VGLL4: variants seen among roughly 807,000 people sequenced by gnomAD.
VGLL4 encodes the protein vestigial like family member 4.
VGLL4 carries 7 observed loss-of-function variants against 21.0 expected under a neutral mutation model. The ratio of observed to expected loss-of-function variants is 0.33; its 90% CI spans 0.19 to 0.63. The LOEUF (loss-of-function observed/expected upper bound fraction) is 0.63, where lower values mean the gene tolerates loss of function less well. Among genes scored for constraint, VGLL4 ranks in the 20% least tolerant of loss-of-function variants. VGLL4 has a pLI of 0.78. For missense variants in VGLL4, 394 were observed against 425.7 expected (o/e 0.93, Z 0.66); for synonymous variants, 222 against 173.2 (o/e 1.28, Z -2.21).
chr3:11,588,496 T>C (rs906503892), intron 2 of VGLL4, among the ~76,000 whole-genome samples: 8 of 152,132 alleles, frequency 5.3e-5, no homozygotes, highest in Non-Finnish European at 1.5e-5. Context: ...TGTCACCCTG[T>C]GGTGGACTGG....
At chr3:11,582,676 T>C (rs1168212649) in intron 2 of VGLL4, among the ~76,000 whole-genome samples, 1 of 152,154 alleles carries the variant, frequency 6.6e-6, no homozygotes, top group Non-Finnish European at 1.5e-5. Context: ...AACTTCAAAA[T>C]AAGGCTAAAG....
intron 1 of VGLL4, among the ~76,000 whole-genome samples, chr3:11,717,754 G>A (rs1231888567): frequency 6.6e-6 from 1 of 152,128 alleles, no homozygotes; most frequent in African/African-American, 2.4e-5. Flanking sequence ...TAACAACTGT[G>A]TTTATGTAGC....
chr3:11,603,647 C>G (rs2074859765), intron 1 of VGLL4, among the ~76,000 whole-genome samples: 1 of 152,152 alleles, frequency 6.6e-6, no homozygotes, highest in Non-Finnish European at 1.5e-5. Flanking sequence ...GCAGCAACTG[C>G]AAATCAAACC....
At chr3:11,586,269 T>C (rs1377748201) in intron 2 of VGLL4, among the ~76,000 whole-genome samples, 1 of 152,218 alleles carries the variant, frequency 6.6e-6, no homozygotes, top group Non-Finnish European at 1.5e-5. Flanking sequence ...GGGAAGGGTA[T>C]GTGAGTGTTC....
chr3:11,584,923 T>TCCA (rs150855339), intron 2 of VGLL4, among the ~76,000 whole-genome samples: 87 of 151,400 alleles, frequency 5.7e-4, no homozygotes, highest in Non-Finnish European at 9.6e-4. Flanking sequence ...CACCCAGGGA[T>TCCA]CCACCACCAC....
intron 2 of VGLL4, among the ~76,000 whole-genome samples, chr3:11,664,444 T>C (rs2076080843): frequency 2.0e-5 from 3 of 152,186 alleles, no homozygotes; most frequent in Admixed American, 6.5e-5. Flanking sequence ...CAATCACCTC[T>C]GCTTTCTGAA....
intron 2 of VGLL4, among the ~76,000 whole-genome samples, chr3:11,592,735 T>C (rs1015436944): frequency 1.3e-5 from 2 of 152,158 alleles, no homozygotes; most frequent in African/African-American, 4.8e-5. Context: ...ATCCTGGCTC[T>C]GGTACTTACC....
intron 2 of VGLL4, among the ~76,000 whole-genome samples, chr3:11,684,738 G>GTA (rs1420196793): frequency 6.7e-6 from 1 of 149,914 alleles, no homozygotes; most frequent in African/African-American, 2.4e-5. Flanking sequence ...TTCTGTGTGT[G>GTA]TGTGTGTGTG....
At chr3:11,713,569 TA>T (rs1479877670) in intron 1 of VGLL4, among the ~76,000 whole-genome samples, 10 of 7,816 alleles carry the variant, frequency 1.3e-3, no homozygotes, top group Non-Finnish European at 1.6e-3. Flanking sequence ...ATATATTATT[TA>T]TATATATATA....
At chr3:11,687,992 C>G (rs1479852329) in intron 2 of VGLL4, among the ~76,000 whole-genome samples, 1 of 152,050 alleles carries the variant, frequency 6.6e-6, no homozygotes, top group Non-Finnish European at 1.5e-5. Context: ...TTGTTTTTAT[C>G]ACAAATAGGT....
At chr3:11,620,685 C>T (rs2075250231) in intron 1 of VGLL4, among the ~76,000 whole-genome samples, 2 of 152,112 alleles carry the variant, frequency 1.3e-5, no homozygotes, top group Non-Finnish European at 2.9e-5. Flanking sequence ...TCAGGCTGGA[C>T]AACAATAAAT....
intron 2 of VGLL4, among the ~76,000 whole-genome samples, chr3:11,677,634 TA>T (rs925388612): frequency 2.6e-5 from 4 of 152,118 alleles, no homozygotes; most frequent in African/African-American, 9.7e-5. Flanking sequence ...AATATACAAG[TA>T]ACCAAGTTTT....
chr3:11,569,832 G>T (rs2073704792), intron 2 of VGLL4, among the ~76,000 whole-genome samples: 1 of 152,188 alleles, frequency 6.6e-6, no homozygotes, highest in Admixed American at 6.5e-5. Context: ...AGTGAGCCAT[G>T]GTCACGCCAC....
intron 2 of VGLL4, among the ~76,000 whole-genome samples, chr3:11,600,726 T>C (rs1325181059): frequency 6.6e-6 from 1 of 152,162 alleles, no homozygotes; most frequent in East Asian, 1.9e-4. Flanking sequence ...GGGCCACCTC[T>C]CTGCGGAAAC....
chr3:11,694,568 G>A (rs2076577815), intron 2 of VGLL4, among the ~76,000 whole-genome samples: 2 of 151,844 alleles, frequency 1.3e-5, no homozygotes, highest in Admixed American at 6.6e-5. Flanking sequence ...GTTGCAGTAA[G>A]CCAAGATTGT....
At chr3:11,563,899 A>G (rs9832407) in intron 3 of VGLL4, among the ~76,000 whole-genome samples, 24,341 of 152,114 alleles carry the variant, frequency 0.16, 2,076 homozygotes, top group Middle Eastern at 0.23. Flanking sequence ...TACCCCACCC[A>G]CAGTTTCAAC....
chr3:11,605,342 C>T (rs957190608), intron 1 of VGLL4, among the ~76,000 whole-genome samples: 2 of 137,730 alleles, frequency 1.5e-5, no homozygotes, highest in African/African-American at 2.9e-5. Flanking sequence ...TCTTCCAAAG[C>T]GCCATTCTCA....
intron 1 of VGLL4, among the ~76,000 whole-genome samples, chr3:11,709,928 TG>T (rs2076815808): frequency 6.6e-6 from 1 of 152,214 alleles, no homozygotes; most frequent in Admixed American, 6.6e-5. Flanking sequence ...GAGGTTTAAC[TG>T]GCTCACAGTA....
At chr3:11,714,332 A>C (rs2076890086) in intron 1 of VGLL4, among the ~76,000 whole-genome samples, 1 of 152,150 alleles carries the variant, frequency 6.6e-6, no homozygotes, top group Admixed American at 6.5e-5. Flanking sequence ...GACAAATAAA[A>C]ATCAAGTCTG....
Sources: allele counts gnomAD v4.1 joint callset (sites outside exome capture counted in the v4.1 genomes callset), GRCh38; gene constraint gnomAD v4.1.1; transcripts MANE v1.5; gene names NCBI Gene and HGNC (gene_info 2026-07-23, HGNC 2026-07-21).